RBMS1: variants seen among roughly 807,000 people sequenced by gnomAD.
RBMS1 encodes RNA-binding motif, single-stranded-interacting protein 1.
Under a neutral mutation model 62.3 loss-of-function variants are expected in RBMS1, and 17 were observed. The observed-to-expected ratio is 0.27, with a 90% CI of 0.19 to 0.41. The LOEUF (loss-of-function observed/expected upper bound fraction) is 0.41. Among genes scored for constraint, RBMS1 ranks in the 10% least tolerant of loss-of-function variants. The pLI is 1.00. For synonymous variants in RBMS1, 172 were observed against 170.0 expected, an observed-to-expected ratio of 1.01 and a Z score of -0.09; for missense variants, 334 against 504.5, an observed-to-expected ratio of 0.66 and a Z score of 3.24.
chr2:160,418,437 T>C (rs557924239), intron 1 of RBMS1, among the ~76,000 whole-genome samples: 204 of 152,214 alleles, frequency 1.3e-3, no homozygotes, highest in Non-Finnish European at 2.3e-3. Flanking sequence ...AAGACATATA[T>C]CTGAAATGAT....
chr2:160,349,824 C>T (rs372051753), intron 2 of RBMS1, among the ~76,000 whole-genome samples: 4 of 18,930 alleles, frequency 2.1e-4, no homozygotes, highest in African/African-American at 8.8e-4. Flanking sequence ...ACAAGCAAAG[C>T]GGGGTGGGGG....
At chr2:160,333,771 C>T (rs1034533034) in intron 2 of RBMS1, among the ~76,000 whole-genome samples, 2 of 152,106 alleles carry the variant, frequency 1.3e-5, no homozygotes, top group Admixed American at 1.3e-4. Flanking sequence ...AAATTTCCTT[C>T]TAGTGGCTGA....
intron 1 of RBMS1, among the ~76,000 whole-genome samples, chr2:160,415,252 G>A (rs1696170690): frequency 6.6e-6 from 1 of 152,082 alleles, no homozygotes; most frequent in African/African-American, 2.4e-5. Context: ...AAATTGTGAT[G>A]GAAAGATATT....
intron 2 of RBMS1, among the ~76,000 whole-genome samples, chr2:160,341,079 A>G (rs1268969983): frequency 6.6e-6 from 1 of 152,192 alleles, no homozygotes; most frequent in Non-Finnish European, 1.5e-5. Flanking sequence ...AGCTTAAAAA[A>G]ATATATGTTT....
intron 3 of RBMS1, 116 bp from the exon 4 acceptor site, chr2:160,313,363 G>GCTCCCTCA: frequency 1.0e-6 from 1 of 980,496 alleles, no homozygotes; most frequent in Non-Finnish European, 1.5e-6. Flanking sequence ...AATGTCCTGA[G>GCTCCCTCA]GGAGCTCAGG....
intron 2 of RBMS1, among the ~76,000 whole-genome samples, chr2:160,354,057 T>G (rs978759612): frequency 6.6e-6 from 1 of 152,246 alleles, no homozygotes; most frequent in Non-Finnish European, 1.5e-5. Context: ...GTGCCTGTTA[T>G]GCTGTTTCTC....
intron 1 of RBMS1, among the ~76,000 whole-genome samples, chr2:160,461,327 C>G (rs190974622): frequency 2.1e-4 from 32 of 152,216 alleles, no homozygotes; most frequent in Admixed American, 1.9e-3. Context: ...AAAATATGCT[C>G]TTTTGAAAAA....
chr2:160,338,639 T>C (rs1049598096), intron 2 of RBMS1, among the ~76,000 whole-genome samples: 2 of 152,322 alleles, frequency 1.3e-5, no homozygotes, highest in South Asian at 4.1e-4. Context: ...TTGTTAAGGA[T>C]AGAAACTGTT....
intron 1 of RBMS1, among the ~76,000 whole-genome samples, chr2:160,464,693 C>T (rs1046243447): frequency 6.6e-6 from 1 of 152,080 alleles, no homozygotes; most frequent in Non-Finnish European, 1.5e-5. Context: ...CACTATTTTC[C>T]ATTTAAAAGT....
intron 1 of RBMS1, among the ~76,000 whole-genome samples, chr2:160,453,089 T>TATGATG (rs34689714): frequency 1.0e-4 from 14 of 138,998 alleles, no homozygotes; most frequent in African/African-American, 2.7e-4. Context: ...TAACTACTGT[T>TATGATG]ATGATGATGA....
chr2:160,449,883 T>G (rs974803563), intron 1 of RBMS1, among the ~76,000 whole-genome samples: 5 of 152,112 alleles, frequency 3.3e-5, no homozygotes, highest in Admixed American at 3.3e-4. Context: ...CCCTGCTTGG[T>G]GCTAAATGTG....
chr2:160,286,466 T>C (rs1451201246), intron 7 of RBMS1, among the ~76,000 whole-genome samples: 1 of 151,872 alleles, frequency 6.6e-6, no homozygotes, highest in Non-Finnish European at 1.5e-5. Context: ...ATTACAGGCA[T>C]GGACCACCAC....
chr2:160,345,767 T>C (rs1324852837), intron 2 of RBMS1, among the ~76,000 whole-genome samples: 1 of 152,160 alleles, frequency 6.6e-6, no homozygotes, highest in East Asian at 1.9e-4. Context: ...TCTGATTGGC[T>C]AGAGTCTGTT....
chr2:160,493,299 A>G lies in RBMS1; in HGVS notation c.65T>C (p.Leu22Pro). Residue 22 changes from leucine (L) to proline (P), a missense_variant, in exon 1 of 14, where the codon CTG (leucine) becomes CCG (proline). Leu to Pro is a moderately conservative substitution (Grantham distance 98, BLOSUM62 -3). Coordinates refer to ENST00000348849, the MANE Select transcript of RBMS1 (RefSeq NM_016836.4). ...CCGGCGCCCCTTTACCTTGGCTTGC[A>G]GATACTGGGGGTAATAGTAGGTGGC... ...QYATYYYPQY[L>P]QAKQSLVPAH... 6.2e-7 allele frequency: 1 copy of G among 1,613,090 alleles called. No homozygotes were observed. The highest frequency in any genetic ancestry group is 8.5e-7 in the Non-Finnish European group (1 of 1,179,378).
chr2:160,275,131 T>C (rs1347649724), intron 13 of RBMS1, among the ~76,000 whole-genome samples: 2 of 152,326 alleles, frequency 1.3e-5, no homozygotes, highest in Non-Finnish European at 2.9e-5. Flanking sequence ...TTTATTACAG[T>C]CTGCATGGTA....
intron 1 of RBMS1, among the ~76,000 whole-genome samples, chr2:160,403,643 G>A (rs796155344): frequency 6.6e-6 from 1 of 152,128 alleles, no homozygotes; most frequent in South Asian, 2.1e-4. Flanking sequence ...CTATTGGAGG[G>A]CAAGACCATT....
intron 1 of RBMS1, among the ~76,000 whole-genome samples, chr2:160,447,417 A>G (rs952522936): frequency 6.6e-6 from 1 of 152,246 alleles, no homozygotes; most frequent in African/African-American, 2.4e-5. Context: ...GGGTTGCTAA[A>G]TTCATAATTC....
At chr2:160,450,217 A>T (rs1239986908) in intron 1 of RBMS1, among the ~76,000 whole-genome samples, 1 of 152,196 alleles carries the variant, frequency 6.6e-6, no homozygotes, top group Non-Finnish European at 1.5e-5. Context: ...CACTTCATGC[A>T]ATCTTCACAG....
intron 10 of RBMS1, among the ~76,000 whole-genome samples, chr2:160,280,948 T>C (rs891038124): frequency 7.2e-5 from 11 of 152,172 alleles, no homozygotes; most frequent in Non-Finnish European, 1.3e-4. Flanking sequence ...AAAATCTTCA[T>C]CTCGGTTTTG....
Sources: allele counts gnomAD v4.1 joint callset (sites outside exome capture counted in the v4.1 genomes callset), GRCh38; gene constraint gnomAD v4.1.1; transcripts MANE v1.5; gene names NCBI Gene and HGNC (gene_info 2026-07-23, HGNC 2026-07-21).